The following RC3H1 variants were observed in gnomAD, a reference collection of about 807,000 sequenced individuals.
RC3H1 encodes the protein ring finger and CCCH-type domains 1.
In RC3H1, 50 loss-of-function variants were observed where a neutral mutation model predicts 138.2. The ratio of observed to expected loss-of-function variants is 0.36; its 90% CI spans 0.29 to 0.46. RC3H1 has a LOEUF of 0.46. RC3H1 is among the 20% of genes least tolerant of loss of function. The pLI is 1.00. For synonymous variants in RC3H1, 462 were observed against 489.1 expected, an observed-to-expected ratio of 0.94 and a Z score of 0.73; for missense variants, 1,031 against 1,388.1, an observed-to-expected ratio of 0.74 and a Z score of 4.09.
chr1:173,972,738 C>T, intron 7 of RC3H1, 111 bp from the exon 8 acceptor site: 1 of 709,006 alleles, frequency 1.4e-6, no homozygotes, highest in Non-Finnish European at 2.5e-6. Context: ...AAGCTTCACA[C>T]CTTAGCTTTT....
At chr1:173,994,570 G>A (rs2103049679) in intron 1 of RC3H1, among the ~76,000 whole-genome samples, 1 of 152,090 alleles carries the variant, frequency 6.6e-6, no homozygotes, top group East Asian at 1.9e-4. Flanking sequence ...AGGCTGAGAT[G>A]GGAAGACTGC....
At chr1:173,952,191 A>C in intron 13 of RC3H1, 53 bp from the exon 14 acceptor site, 5 of 1,376,408 alleles carry the variant, frequency 3.6e-6, no homozygotes, top group African/African-American at 1.5e-5. Context: ...AAAGAAACAA[A>C]ACAGGAAATG....
chr1:174,011,490 C>T (rs1661768592), intron 1 of RC3H1, among the ~76,000 whole-genome samples: 1 of 150,910 alleles, frequency 6.6e-6, no homozygotes, highest in African/African-American at 2.4e-5. Context: ...AGCTGAAATC[C>T]AGGTTTTTTT....
chr1:174,017,783 C>CCAAAAAAAAAAAA (rs1165317766), intron 1 of RC3H1, among the ~76,000 whole-genome samples: 9 of 72,036 alleles, frequency 1.2e-4, no homozygotes, highest in African/African-American at 5.1e-4. Flanking sequence ...TTTTCTTGCT[C>CCAAAAAAAAAAAA]AAAAAAAAAA....
rs1659425402 is a variant in RC3H1, at chr1:173,952,093, C to T, written c.2416G>A (p.Asp806Asn). 6.3e-7 allele frequency: 1 copy of T among 1,592,880 alleles called. No individual in the cohort carries two copies. Among genetic ancestry groups the T allele is most frequent in the African/African-American group, 1.4e-5 (1 of 73,134 alleles). The stretch of plus-strand genomic sequence containing the variant: ...GACCAGGGAGAGTATTGGCTATAAT[C>T]ATTTCCTTTGTATTTCCCAGCTACC... ...LKVAGKYKGN[D>N]YSQYSPWSCD... The change falls in exon 14 of 20, where the codon GAT (aspartate) becomes AAT (asparagine). Residue 806 changes from aspartate to asparagine, a missense_variant. Physicochemically the swap from Asp to Asn is conservative, Grantham distance 23 (BLOSUM62 1). Around this residue, in one of 7 missense-constraint regions of RC3H1, gnomAD observed 716 missense variants for 837.9 expected, o/e 0.85. Coordinates refer to ENST00000367696, the MANE Select transcript of RC3H1 (RefSeq NM_172071.4).
At chr1:173,947,764 A>G (rs1659198119) in intron 14 of RC3H1, among the ~76,000 whole-genome samples, 182 bp from the exon 15 acceptor site, 2 of 152,090 alleles carry the variant, frequency 1.3e-5, no homozygotes. Context: ...GTGAGGGGCG[A>G]CAGGGTCTCA....
chr1:173,946,119 A>T (rs1659123433), intron 17 of RC3H1, among the ~76,000 whole-genome samples: 1 of 151,972 alleles, frequency 6.6e-6, no homozygotes, highest in South Asian at 2.1e-4. Flanking sequence ...CAGTGAGTTG[A>T]GATCACGCCA....
chr1:173,966,099 C>G (rs1660104874), intron 9 of RC3H1, among the ~76,000 whole-genome samples: 1 of 152,032 alleles, frequency 6.6e-6, no homozygotes, highest in African/African-American at 2.4e-5. Context: ...AAGATTGCAC[C>G]ACTGTACTCC....
At chr1:173,999,246 G>A (rs943982213) in intron 1 of RC3H1, among the ~76,000 whole-genome samples, 1 of 152,152 alleles carries the variant, frequency 6.6e-6, no homozygotes, top group Middle Eastern at 3.4e-3. Context: ...AAAATTAGCA[G>A]GCACATGCCT....
intron 11 of RC3H1, 143 bp downstream of exon 11, chr1:173,963,830 T>C (rs1268682808): frequency 7.6e-6 from 5 of 658,344 alleles, no homozygotes; most frequent in Non-Finnish European, 1.3e-5. Context: ...AATCATAAAA[T>C]CTCAATTTTT....
At chr1:173,982,638 G>T in intron 5 of RC3H1, 89 bp downstream of exon 5, 2 of 1,157,832 alleles carry the variant, frequency 1.7e-6, no homozygotes, top group Non-Finnish European at 2.4e-6. Flanking sequence ...AAAGATACAG[G>T]CAACTTTATT....
chr1:173,944,442 T>C (rs565121431), intron 17 of RC3H1, among the ~76,000 whole-genome samples: 1 of 152,138 alleles, frequency 6.6e-6, no homozygotes, highest in Non-Finnish European at 1.5e-5. Context: ...AGCGGAGGGA[T>C]AGCATTAGGA....
At chr1:174,018,820 G>C (rs1661909142) in intron 1 of RC3H1, among the ~76,000 whole-genome samples, 1 of 152,154 alleles carries the variant, frequency 6.6e-6, no homozygotes, top group African/African-American at 2.4e-5. Context: ...TCACCAAACA[G>C]GGATCATTTA....
Position 174,022,250 on chromosome 1 carries a change from C to G in RC3H1, c.-305G>C, listed in dbSNP as rs1353653203. On this transcript the variant is annotated 5_prime_UTR_variant, in exon 1 of 20. Coordinates refer to ENST00000367696, the MANE Select transcript of RC3H1 (RefSeq NM_172071.4). This position sits in a 1 kb window ranked among gnomAD's most constrained non-coding sequence, Gnocchi z 4.2. ...GCCGCCGCCACCGCCAGCACCGCCT[C>G]CGGCCTCCCACCTGCTGCTGCTGAG... The G allele has an allele frequency of 1.0e-5, 4 of 391,380 alleles. No homozygotes were observed. Among genetic ancestry groups the G allele is most frequent in the Non-Finnish European group, 1.8e-5 (4 of 221,886 alleles). 24.2% of individuals were successfully genotyped at this position (391,380 alleles called of 1,614,324 possible). A position where few individuals can be genotyped will look rare whatever the true frequency, so the allele number is the denominator to read the frequency against.
intron 14 of RC3H1, among the ~76,000 whole-genome samples, chr1:173,950,420 CAAAAAAA>C (rs60259705): frequency 9.4e-5 from 6 of 63,664 alleles, no homozygotes; most frequent in African/African-American, 1.4e-4. Context: ...TCATCTCTAC[CAAAAAAA>C]AAAAAAAAAA....
At chr1:173,995,045 G>C (rs1212057079) in intron 1 of RC3H1, among the ~76,000 whole-genome samples, 1 of 152,124 alleles carries the variant, frequency 6.6e-6, no homozygotes, top group Non-Finnish European at 1.5e-5. Context: ...AAAGTACAGG[G>C]AGATACAAGC....
At chr1:173,957,596 C>A (rs1239951532) in intron 13 of RC3H1, among the ~76,000 whole-genome samples, 1 of 152,168 alleles carries the variant, frequency 6.6e-6, no homozygotes, top group Non-Finnish European at 1.5e-5. Flanking sequence ...GTTACCCAGG[C>A]TGGAGTGCAG....
chr1:173,964,359 C>CT lies in RC3H1; in HGVS notation c.1617-173dup, dbSNP rs541820550. On this transcript the variant is annotated intron_variant, in intron 10 of 19. Coordinates refer to ENST00000367696, the MANE Select transcript of RC3H1 (RefSeq NM_172071.4). ...TTCCCCTATGTTAATTGTTTCTTTT[C>CT]TTTTTTTTTTGAGACAGAGTCTCGC... is the stretch of plus-strand genomic sequence containing the variant. 5.6e-3 allele frequency among the ~76,000 whole-genome samples: 676 copies of CT among 120,502 alleles called. 4 individuals are homozygous for CT. The highest frequency in any genetic ancestry group is 7.9e-3 in the Non-Finnish European group (490 of 62,124). The allele number at this position is 120,502 out of a possible 152,430, so 79.1% of individuals were successfully genotyped here.
intron 9 of RC3H1, among the ~76,000 whole-genome samples, chr1:173,966,174 T>C (rs1660107673): frequency 6.6e-6 from 1 of 152,070 alleles, no homozygotes; most frequent in Non-Finnish European, 1.5e-5. Flanking sequence ...ATAGTGACTT[T>C]TATTAGAACT....
Sources: allele counts gnomAD v4.1 joint callset (sites outside exome capture counted in the v4.1 genomes callset), GRCh38; gene constraint gnomAD v4.1.1; regional missense constraint gnomAD v4.1.1; non-coding constraint Gnocchi (gnomAD v3.1); transcripts MANE v1.5; gene names NCBI Gene and HGNC (gene_info 2026-07-23, HGNC 2026-07-21).